The following RBMS1 variants were observed in gnomAD, a reference collection of about 807,000 sequenced individuals.
The protein encoded by RBMS1 is RNA binding motif single stranded interacting protein 1.
Under a neutral mutation model 62.3 loss-of-function variants are expected in RBMS1, and 17 were observed. The ratio of observed to expected loss-of-function variants is 0.27; its 90% confidence interval spans 0.19 to 0.41. The LOEUF is 0.41. RBMS1 is among the 10% of genes least tolerant of loss of function. RBMS1 has a pLI of 1.00. For synonymous variants in RBMS1, 172 were observed against 170.0 expected (o/e 1.01, Z -0.09); for missense variants, 334 against 504.5 (o/e 0.66, Z 3.24).
intron 1 of RBMS1, among the ~76,000 whole-genome samples, chr2:160,406,492 G>A (rs1695715704): frequency 6.6e-6 from 1 of 152,198 alleles, no homozygotes; most frequent in African/African-American, 2.4e-5. Context: ...TGTCTCAGTG[G>A]CTAAGGATGC....
intron 1 of RBMS1, among the ~76,000 whole-genome samples, chr2:160,375,995 C>G (rs914553082): frequency 6.6e-5 from 10 of 152,040 alleles, no homozygotes; most frequent in Non-Finnish European, 1.3e-4. Context: ...CCTGCCTCAC[C>G]CCAGTAGATT....
chr2:160,326,407 T>C (rs1690930746), intron 2 of RBMS1, among the ~76,000 whole-genome samples: 2 of 151,974 alleles, frequency 1.3e-5, no homozygotes, highest in Non-Finnish European at 2.9e-5. Context: ...GGCATAAACA[T>C]AGAGGGAAGG....
rs1573941342 is a variant in RBMS1, at chr2:160,367,094, T to TG, written c.251+121dup. ...TAAAACTTGAAACCCATTTTATTGT[T>TG]GTGACACTGAGAGTCCACAGATACT... On this transcript the variant is annotated intron_variant, in intron 2 of 13. Coordinates refer to ENST00000348849, the MANE Select transcript of RBMS1 (RefSeq NM_016836.4). The TG allele has an allele frequency of 6.3e-6, 6 of 954,656 alleles. 1 individual carries two copies. The East Asian group carries it at 1.5e-4, about 25-fold the overall frequency. 59.1% of individuals were successfully genotyped at this position (954,656 alleles called of 1,614,324 possible). A position where few individuals can be genotyped will look rare whatever the true frequency, so the allele number is the denominator to read the frequency against.
intron 1 of RBMS1, among the ~76,000 whole-genome samples, chr2:160,464,953 C>T (rs949350331): frequency 1.3e-5 from 2 of 152,156 alleles, no homozygotes; most frequent in Non-Finnish European, 2.9e-5. Context: ...TGCTTATTTA[C>T]AGAATAGTAT....
At chr2:160,475,829 A>G (rs1289374143) in intron 1 of RBMS1, among the ~76,000 whole-genome samples, 1 of 150,892 alleles carries the variant, frequency 6.6e-6, no homozygotes, top group Non-Finnish European at 1.5e-5. Context: ...TATTTTTTAA[A>G]TTATACTAAT....
chr2:160,481,920 C>G (rs989926810), intron 1 of RBMS1, among the ~76,000 whole-genome samples: 1 of 152,176 alleles, frequency 6.6e-6, no homozygotes, highest in African/African-American at 2.4e-5. Flanking sequence ...CTGGTAGTGT[C>G]TACCCAAGCT....
At chr2:160,384,134 T>G (rs528426052) in intron 1 of RBMS1, among the ~76,000 whole-genome samples, 1 of 152,178 alleles carries the variant, frequency 6.6e-6, no homozygotes, top group African/African-American at 2.4e-5. Context: ...GAGGCGGAGC[T>G]TGCAGTGAGC....
intron 1 of RBMS1, among the ~76,000 whole-genome samples, chr2:160,433,208 GT>G (rs1682970935): frequency 1.3e-5 from 2 of 152,148 alleles, no homozygotes; most frequent in African/African-American, 4.8e-5. Context: ...GGGCTCAAGA[GT>G]TCAAGACCAG....
intron 1 of RBMS1, among the ~76,000 whole-genome samples, chr2:160,462,378 T>C (rs886641940): frequency 2.0e-5 from 3 of 152,092 alleles, no homozygotes; most frequent in African/African-American, 7.2e-5. Flanking sequence ...TGTTAACATA[T>C]GACACCAGTC....
intron 1 of RBMS1, among the ~76,000 whole-genome samples, chr2:160,464,597 C>A (rs560172531): frequency 2.0e-5 from 3 of 152,156 alleles, no homozygotes; most frequent in Non-Finnish European, 4.4e-5. Flanking sequence ...TCTGTTAACA[C>A]TATCAGGTGG....
chr2:160,455,874 G>T (rs1017096808), intron 1 of RBMS1, among the ~76,000 whole-genome samples: 10 of 151,872 alleles, frequency 6.6e-5, no homozygotes, highest in Non-Finnish European at 1.3e-4. Flanking sequence ...TAGTAGAGAC[G>T]GGGTTTCACC....
intron 1 of RBMS1, among the ~76,000 whole-genome samples, chr2:160,480,470 T>A (rs1049061889): frequency 6.6e-6 from 1 of 152,148 alleles, no homozygotes; most frequent in Non-Finnish European, 1.5e-5. Flanking sequence ...ATAATACAGA[T>A]CTTGAAGAAA....
chr2:160,280,571 A>G (rs918155767), intron 10 of RBMS1, among the ~76,000 whole-genome samples: 17 of 152,174 alleles, frequency 1.1e-4, no homozygotes, highest in African/African-American at 3.9e-4. Flanking sequence ...TATTTTACAC[A>G]TATTGTGAAC....
intron 1 of RBMS1, among the ~76,000 whole-genome samples, chr2:160,429,976 T>C (rs1682821239): frequency 1.3e-5 from 2 of 152,248 alleles, no homozygotes; most frequent in Non-Finnish European, 2.9e-5. Flanking sequence ...TAAAGAAATC[T>C]GGGCTAGTCT....
At chr2:160,361,695 C>T (rs1050946861) in intron 2 of RBMS1, among the ~76,000 whole-genome samples, 4 of 152,178 alleles carry the variant, frequency 2.6e-5, no homozygotes, top group African/African-American at 9.7e-5. Flanking sequence ...GTGGTGCACA[C>T]CTGTAACTCC....
chr2:160,476,551 C>CTTTT lies in RBMS1; in HGVS notation c.75+16734_75+16737dup, dbSNP rs755429434. 1.8e-3 allele frequency among the ~76,000 whole-genome samples: 195 copies of CTTTT among 111,254 alleles called. 1 individual carries two copies. Among genetic ancestry groups the CTTTT allele is most frequent in the East Asian group, 6.3e-3 (21 of 3,326 alleles). 73.0% of individuals were successfully genotyped at this position (111,254 alleles called of 152,430 possible). ...GCACAAAACTGAACAAAACACACTTCTTTTTTTTTTTTTTTTTTTTTGAGA... is the reference window on the plus strand; with the variant it reads ...GCACAAAACTGAACAAAACACACTTCTTTTTTTTTTTTTTTTTTTTTTTTTGAGA... On this transcript the variant is annotated intron_variant, in intron 1 of 13. Coordinates refer to ENST00000348849, the MANE Select transcript of RBMS1 (RefSeq NM_016836.4).
At position 160,320,708 on chromosome 2, in the gene RBMS1, C is replaced by A. The variant is rs561240193; in HGVS notation, c.252-2481G>T. Among the ~76,000 whole-genome samples the A allele has an allele frequency of 8.5e-5, 13 of 152,258 alleles. No individual in the cohort carries two copies. In the East Asian group the frequency reaches 2.3e-3, roughly 27 times the overall value. On this transcript the variant is annotated intron_variant, in intron 2 of 13. Transcript: ENST00000348849. ...CTTTGCCTTCTGCCAGGAGTGGAAG[C>A]TTCCTGAGGCCCTCAACAAGCAGCA...
At chr2:160,408,152 G>A (rs975196022) in intron 1 of RBMS1, among the ~76,000 whole-genome samples, 2 of 151,890 alleles carry the variant, frequency 1.3e-5, no homozygotes, top group African/African-American at 4.8e-5. Flanking sequence ...CCTCGGAGTA[G>A]CCAACCCCCC....
intron 1 of RBMS1, among the ~76,000 whole-genome samples, chr2:160,446,550 C>G (rs1331900996): frequency 6.6e-6 from 1 of 152,192 alleles, no homozygotes; most frequent in Admixed American, 6.5e-5. Context: ...CTTCACTTTT[C>G]TCATGCTCTG....
Sources: gnomAD v4.1 joint callset for allele counts (sites outside exome capture counted in the v4.1 genomes callset) on GRCh38, gnomAD v4.1.1 for gene constraint, MANE v1.5 for transcripts, NCBI Gene and HGNC (gene_info 2026-07-23, HGNC 2026-07-21) for gene names.